TGFB2: variants seen among roughly 807,000 people sequenced by gnomAD.
TGFB2 encodes the protein transforming growth factor beta-2 proprotein.
Under a neutral mutation model 42.7 loss-of-function variants are expected in TGFB2, and 13 were observed. That is an observed-to-expected ratio of 0.30 (90% CI 0.20 to 0.48). The LOEUF is 0.48. TGFB2 is among the 20% of genes least tolerant of loss of function. TGFB2 has a pLI of 0.99. For synonymous variants in TGFB2, 193 were observed against 193.6 expected, an observed-to-expected ratio of 1.00 and a Z score of 0.03; for missense variants, 390 against 517.5, an observed-to-expected ratio of 0.75 and a Z score of 2.39.
Position 218,439,606 on chromosome 1 carries a change from C to T in TGFB2, c.1087-1598C>T, listed in dbSNP as rs181190672. 6.0e-4 allele frequency among the ~76,000 whole-genome samples: 91 copies of T among 152,288 alleles called. No homozygotes were observed. In the East Asian group the frequency reaches 0.011, roughly 19 times the overall value. On this transcript the variant is annotated intron_variant, in intron 6 of 6. Coordinates refer to ENST00000366930, the MANE Select transcript of TGFB2 (RefSeq NM_003238.6). ...GCTGTTTTCCCAACTCCCCTGTAGA[C>T]TTTGGCACTCGGGGGCGACCGTGTG...
chr1:218,434,674 C>T (rs979613638), intron 4 of TGFB2, among the ~76,000 whole-genome samples: 5 of 152,156 alleles, frequency 3.3e-5, no homozygotes, highest in African/African-American at 9.7e-5. Flanking sequence ...ATGACTTGGT[C>T]AATAATAACT....
At chr1:218,364,809 G>C (rs2102547428) in intron 1 of TGFB2, among the ~76,000 whole-genome samples, 1 of 152,278 alleles carries the variant, frequency 6.6e-6, no homozygotes, top group Middle Eastern at 3.4e-3. Context: ...GTGGCTACAA[G>C]CTGCAATGTG....
chr1:218,402,998 C>T (rs1347735102), intron 1 of TGFB2, among the ~76,000 whole-genome samples: 1 of 152,144 alleles, frequency 6.6e-6, no homozygotes, highest in East Asian at 1.9e-4. Context: ...GGGCATATTC[C>T]AGAGGAGAAA....
intron 1 of TGFB2, among the ~76,000 whole-genome samples, chr1:218,364,181 G>A (rs1051459388): frequency 6.6e-5 from 10 of 152,132 alleles, no homozygotes; most frequent in African/African-American, 1.9e-4. Context: ...GACATGTCTC[G>A]TTTGCTTAAG....
intron 1 of TGFB2, among the ~76,000 whole-genome samples, chr1:218,378,547 C>T (rs906245428): frequency 5.9e-5 from 9 of 152,124 alleles, no homozygotes; most frequent in African/African-American, 2.2e-4. Context: ...CTTCTGACCT[C>T]AAGTGCTCCT....
intron 1 of TGFB2, among the ~76,000 whole-genome samples, chr1:218,381,717 G>A (rs891731207): frequency 6.6e-6 from 1 of 152,154 alleles, no homozygotes; most frequent in Admixed American, 6.5e-5. Context: ...AATTTTCTGC[G>A]ATGTTCCTAA....
In TGFB2 at chr1:218,441,456, A is replaced by T. The variant is rs1660149938; in HGVS notation, c.*94A>T. 2 of 1,383,592 alleles carry T rather than the reference A, an allele frequency of 1.4e-6. No individual in the cohort carries two copies. Among genetic ancestry groups the T allele is most frequent in the African/African-American group, 2.9e-5 (2 of 68,626 alleles). The allele number at this position is 1,383,592 out of a possible 1,614,324, so 85.7% of individuals were successfully genotyped here. On this transcript the variant is annotated 3_prime_UTR_variant, in exon 7 of 7. Coordinates refer to ENST00000366930, the MANE Select transcript of TGFB2 (RefSeq NM_003238.6). ...GATGCTTGTAACAAGAAAACATAAGAGAGCCTTGGTTCATCAGTGTTAAAA... is the reference window on the plus strand; with the variant it reads ...GATGCTTGTAACAAGAAAACATAAGTGAGCCTTGGTTCATCAGTGTTAAAA...
chr1:218,441,679 C>A lies in TGFB2; in HGVS notation c.*317C>A, dbSNP rs1660157900. 5.0e-6 allele frequency: 1 copy of A among 198,832 alleles called. No individual in the cohort carries two copies. The highest frequency in any genetic ancestry group is 2.4e-5 in the African/African-American group (1 of 41,964). 12.3% of individuals were successfully genotyped at this position (198,832 alleles called of 1,614,324 possible). A position where few individuals can be genotyped will look rare whatever the true frequency, so the allele number is the denominator to read the frequency against. On this transcript the variant is annotated 3_prime_UTR_variant, in exon 7 of 7. Transcript: ENST00000366930. Reference sequence around the variant, plus strand: ...AATTTATTAGTGTTAATTATGTGAACAACGACAACAACAACAACAACAACA... The same window carrying A: ...AATTTATTAGTGTTAATTATGTGAAAAACGACAACAACAACAACAACAACA...
chr1:218,366,769 G>A (rs371998931), intron 1 of TGFB2, among the ~76,000 whole-genome samples: 3 of 152,170 alleles, frequency 2.0e-5, no homozygotes, highest in South Asian at 2.1e-4. Flanking sequence ...TGCTTCTGAC[G>A]TCACTAAAGT....
At chr1:218,355,739 T>C (rs962838748) in intron 1 of TGFB2, among the ~76,000 whole-genome samples, 1 of 152,210 alleles carries the variant, frequency 6.6e-6, no homozygotes, top group Admixed American at 6.5e-5. Context: ...GCAGCTATTA[T>C]TCATCGAATC....
At chr1:218,365,592 G>T (rs72738815) in intron 1 of TGFB2, among the ~76,000 whole-genome samples, 1 of 152,032 alleles carries the variant, frequency 6.6e-6, no homozygotes, top group Non-Finnish European at 1.5e-5. Context: ...TGCCTAGCTC[G>T]CAGGCTCTGG....
intron 1 of TGFB2, among the ~76,000 whole-genome samples, chr1:218,382,207 G>A (rs984938922): frequency 6.6e-6 from 1 of 152,216 alleles, no homozygotes; most frequent in Non-Finnish European, 1.5e-5. Context: ...GCTCAAAGCT[G>A]TCTTCCAAGG....
chr1:218,362,439 A>T (rs1234480947), intron 1 of TGFB2, among the ~76,000 whole-genome samples: 1 of 152,104 alleles, frequency 6.6e-6, no homozygotes, highest in African/African-American at 2.4e-5. Flanking sequence ...TAAATATATC[A>T]TCTCATTTCA....
intron 1 of TGFB2, among the ~76,000 whole-genome samples, chr1:218,388,509 G>T (rs1005834696): frequency 6.6e-6 from 1 of 152,194 alleles, no homozygotes; most frequent in Non-Finnish European, 1.5e-5. Context: ...GAAAGAGCAG[G>T]CTGTTCTGAA....
chr1:218,431,117 T>C (rs950167856), intron 2 of TGFB2, among the ~76,000 whole-genome samples: 51 of 152,352 alleles, frequency 3.3e-4, no homozygotes, highest in African/African-American at 1.2e-3. Flanking sequence ...TTGAGAATTA[T>C]GTAGCTAACT....
At chr1:218,369,967 A>G (rs1657519284) in intron 1 of TGFB2, among the ~76,000 whole-genome samples, 1 of 152,240 alleles carries the variant, frequency 6.6e-6, no homozygotes, top group South Asian at 2.1e-4. Flanking sequence ...AAGACTTTAC[A>G]CGGGGATGTT....
chr1:218,408,748 G>A (rs1027119037), intron 2 of TGFB2, among the ~76,000 whole-genome samples: 12 of 152,184 alleles, frequency 7.9e-5, no homozygotes, highest in Non-Finnish European at 1.3e-4. Flanking sequence ...GCTAGAGGAG[G>A]ACACCGTGAC....
At chr1:218,385,204 G>A (rs1451644060) in intron 1 of TGFB2, among the ~76,000 whole-genome samples, 1 of 152,146 alleles carries the variant, frequency 6.6e-6, no homozygotes, top group Non-Finnish European at 1.5e-5. Context: ...GTTTAGAAGG[G>A]TAGAGTAGAA....
chr1:218,377,342 T>C (rs1309692545), intron 1 of TGFB2, among the ~76,000 whole-genome samples: 2 of 152,254 alleles, frequency 1.3e-5, no homozygotes, highest in Non-Finnish European at 2.9e-5. Flanking sequence ...TCTATGTTGA[T>C]AGCATAACTT....
Sources: allele counts gnomAD v4.1 joint callset (sites outside exome capture counted in the v4.1 genomes callset), GRCh38; gene constraint gnomAD v4.1.1; transcripts MANE v1.5; gene names NCBI Gene and HGNC (gene_info 2026-07-23, HGNC 2026-07-21).